The following MDGA2 variants were observed in gnomAD, a reference collection of about 807,000 sequenced individuals.
MDGA2 encodes MAM domain containing glycosylphosphatidylinositol anchor 2.
A neutral mutation model predicts 117.8 loss-of-function variants in MDGA2; 40 were observed. The ratio of observed to expected loss-of-function variants is 0.34; its 90% CI spans 0.26 to 0.44. The LOEUF (loss-of-function observed/expected upper bound fraction) is 0.44. Among genes scored for constraint, MDGA2 ranks in the 20% least tolerant of loss-of-function variants. The probability of loss-of-function intolerance (pLI) is 1.00; values close to 1 mark genes in which losing one functional copy is unlikely to be tolerated. For missense variants in MDGA2, 1,123 were observed against 1,250.6 expected (o/e 0.90, Z 1.54); for synonymous variants, 452 against 439.0 (o/e 1.03, Z -0.37).
intron 1 of MDGA2, among the ~76,000 whole-genome samples, chr14:47,628,866 TG>T (rs2138217750): frequency 6.6e-6 from 1 of 152,336 alleles, no homozygotes; most frequent in East Asian, 1.9e-4. Flanking sequence ...CTTTCCTCCT[TG>T]CAGGGACACT....
In MDGA2 at chr14:47,452,086, G is replaced by C. The variant is rs75410362; in HGVS notation, c.281-150536C>G. On this transcript the variant is annotated intron_variant, in intron 1 of 16. Coordinates refer to ENST00000399232, the MANE Select transcript of MDGA2 (RefSeq NM_001113498.3). ...TTTAATAGCTAAAAAGAAATATTTT[G>C]AACAGGATTCTTTAAAGATGGGAAA... Among the ~76,000 whole-genome samples, 13 of 152,154 alleles carry C rather than the reference G, an allele frequency of 8.5e-5. No individual in the cohort carries two copies. In the East Asian group the frequency reaches 2.5e-3, roughly 29 times the overall value.
chr14:47,315,003 C>T (rs1217594497), intron 1 of MDGA2, among the ~76,000 whole-genome samples: 2 of 152,118 alleles, frequency 1.3e-5, no homozygotes, highest in African/African-American at 2.4e-5. Context: ...AATGATGATG[C>T]TTGGAAAAGT....
In MDGA2 at chr14:47,509,992, T is replaced by G. The variant is rs532459511; in HGVS notation, c.280+164525A>C. Among the ~76,000 whole-genome samples, 33 of 152,296 alleles carry G rather than the reference T, an allele frequency of 2.2e-4. No homozygotes were observed. In the South Asian group the frequency reaches 6.2e-3, roughly 29 times the overall value. On this transcript the variant is annotated intron_variant, in intron 1 of 16. Transcript: ENST00000399232. ...ATTTATTTTGTGTATGTGAAGAACA[T>G]GAATTTTGGGGGGACAGGTGTGTAA... is the stretch of plus-strand genomic sequence containing the variant.
chr14:47,596,066 G>A (rs894033130), intron 1 of MDGA2, among the ~76,000 whole-genome samples: 2 of 152,160 alleles, frequency 1.3e-5, no homozygotes, highest in African/African-American at 2.4e-5. Context: ...TGGCTGCAAA[G>A]GAAAGCTAGA....
chr14:47,048,660 GGCTCTCTCATCTTTTGTCAA>G (rs1196883476), intron 7 of MDGA2, among the ~76,000 whole-genome samples: 2 of 151,988 alleles, frequency 1.3e-5, no homozygotes, highest in African/African-American at 2.4e-5. Flanking sequence ...AAACGAAGCT[GGCTCTCTCATCTTTTGTCAA>G]GAGCAAAATG....
At chr14:46,861,321 C>A (rs1247945697) in intron 14 of MDGA2, among the ~76,000 whole-genome samples, 1 of 151,750 alleles carries the variant, frequency 6.6e-6, no homozygotes, top group Non-Finnish European at 1.5e-5. Flanking sequence ...TTTCTTATAT[C>A]AGTAATTATA....
intron 1 of MDGA2, among the ~76,000 whole-genome samples, chr14:47,418,115 C>T (rs550013430): frequency 5.3e-5 from 8 of 151,976 alleles, no homozygotes; most frequent in African/African-American, 1.7e-4. Flanking sequence ...CTTGCTGTGT[C>T]GCCCAGGCTG....
At chr14:47,410,695 T>G (rs1324105566) in intron 1 of MDGA2, among the ~76,000 whole-genome samples, 1 of 152,166 alleles carries the variant, frequency 6.6e-6, no homozygotes, top group Admixed American at 6.5e-5. Flanking sequence ...TAAAAATAAC[T>G]GCAAAATGTC....
chr14:46,857,195 T>G (rs760048600), intron 14 of MDGA2, among the ~76,000 whole-genome samples: 2 of 152,244 alleles, frequency 1.3e-5, no homozygotes, highest in African/African-American at 2.4e-5. Context: ...CGTTTCAATT[T>G]CCACTTATTT....
chr14:47,573,887 G>A (rs1343656937), intron 1 of MDGA2, among the ~76,000 whole-genome samples: 2 of 151,954 alleles, frequency 1.3e-5, no homozygotes, highest in East Asian at 1.9e-4. Context: ...CCAGAAAGGT[G>A]AAACAGTAGA....
chr14:47,467,047 T>C (rs148709058), intron 1 of MDGA2, among the ~76,000 whole-genome samples: 94 of 152,198 alleles, frequency 6.2e-4, no homozygotes, highest in African/African-American at 2.2e-3. Flanking sequence ...CTAAGGAAGA[T>C]AGTGAAGGTG....
intron 1 of MDGA2, among the ~76,000 whole-genome samples, chr14:47,671,762 T>C (rs1039336139): frequency 6.6e-6 from 1 of 152,236 alleles, no homozygotes; most frequent in African/African-American, 2.4e-5. Context: ...GTTATTCATA[T>C]AAAATGTTCA....
chr14:47,006,805 G>A (rs946526313), intron 8 of MDGA2, among the ~76,000 whole-genome samples: 12 of 151,504 alleles, frequency 7.9e-5, no homozygotes, highest in Non-Finnish European at 1.5e-4. Context: ...TCTTTAAACA[G>A]AGTTCCTGTG....
chr14:46,888,148 G>GC (rs1446622297), intron 10 of MDGA2, among the ~76,000 whole-genome samples: 1 of 151,960 alleles, frequency 6.6e-6, no homozygotes, highest in East Asian at 1.9e-4. Context: ...TGTAATGAAA[G>GC]TGTATACTTC....
chr14:47,178,425 C>A (rs538508996), intron 3 of MDGA2, among the ~76,000 whole-genome samples: 12 of 152,126 alleles, frequency 7.9e-5, no homozygotes, highest in South Asian at 2.1e-4. Context: ...GCCTGGAAAC[C>A]TTTGACTATA....
intron 1 of MDGA2, among the ~76,000 whole-genome samples, chr14:47,472,133 C>A (rs2138617322): frequency 6.6e-6 from 1 of 152,222 alleles, no homozygotes; most frequent in Non-Finnish European, 1.5e-5. Flanking sequence ...ACTACCCCAG[C>A]ACAATTAATT....
At chr14:47,552,587 G>A (rs995004992) in intron 1 of MDGA2, among the ~76,000 whole-genome samples, 22 of 151,756 alleles carry the variant, frequency 1.4e-4, no homozygotes, top group African/African-American at 5.1e-4. Context: ...TTTTATAATG[G>A]TCCAAACCAT....
At chr14:47,034,784 C>A (rs917759813) in intron 8 of MDGA2, among the ~76,000 whole-genome samples, 8 of 151,274 alleles carry the variant, frequency 5.3e-5, no homozygotes, top group Non-Finnish European at 2.9e-5. Context: ...ACAACTCTTT[C>A]TATTAGTGTG....
At position 46,882,151 on chromosome 14, in the gene MDGA2, G is replaced by A. The variant is rs369029916; in HGVS notation, c.2309C>T (p.Thr770Ile). The change falls in exon 11 of 17, where the codon ACA becomes ATA. Residue 770 changes from threonine to isoleucine, a missense_variant. Coordinates refer to ENST00000399232, the MANE Select transcript of MDGA2 (RefSeq NM_001113498.3). ...NGNIQKGELI[T>I]YNLTELIKPE... The stretch of plus-strand genomic sequence containing the variant: ...TTTAATTAGCTCTGTCAAGTTATAT[G>A]TAATTAATTCTCCCTTTTGAATATT... The A allele has an allele frequency of 1.9e-5, 31 of 1,612,244 alleles. No individual in the cohort carries two copies. The highest frequency in any genetic ancestry group is 5.0e-5 in the Admixed American group (3 of 59,906).
Sources: allele counts gnomAD v4.1 joint callset (sites outside exome capture counted in the v4.1 genomes callset), GRCh38; gene constraint gnomAD v4.1.1; transcripts MANE v1.5; gene names NCBI Gene and HGNC (gene_info 2026-07-23, HGNC 2026-07-21).